Variants in GIGYF2 observed in about 807,000 individuals in gnomAD.
GIGYF2 encodes the protein GRB10 interacting GYF protein 2.
A neutral mutation model predicts 208.1 loss-of-function variants in GIGYF2; 25 were observed. That is an observed-to-expected ratio of 0.12 (90% CI 0.09 to 0.17). The LOEUF (loss-of-function observed/expected upper bound fraction) is 0.17. GIGYF2 is among the 10% of genes least tolerant of loss of function. GIGYF2 has a pLI of 1.00. For synonymous variants in GIGYF2, 534 were observed against 543.8 expected (o/e 0.98, Z 0.25); for missense variants, 1,302 against 1,579.4 (o/e 0.82, Z 2.98).
intron 14 of GIGYF2, among the ~76,000 whole-genome samples, chr2:232,802,496 G>GT (rs940325815): frequency 3.3e-5 from 5 of 151,928 alleles, no homozygotes; most frequent in South Asian, 4.1e-4. Context: ...TGACCATGTG[G>GT]TTTTTTTCCC....
At chr2:232,817,574 A>G (rs2106392288) in intron 20 of GIGYF2, among the ~76,000 whole-genome samples, 1 of 152,322 alleles carries the variant, frequency 6.6e-6, no homozygotes, top group East Asian at 1.9e-4. Flanking sequence ...AGTAACCACC[A>G]TTCTTCTTTC....
At chr2:232,734,291 A>G (rs963294945) in intron 2 of GIGYF2, 1 of 151,962 alleles carries the variant, frequency 6.6e-6, no homozygotes, top group Non-Finnish European at 1.5e-5. Flanking sequence ...CAGTGGCAGG[A>G]CCACAACTCA....
At chr2:232,783,480 G>A (rs2106355794) in intron 8 of GIGYF2, among the ~76,000 whole-genome samples, 1 of 152,072 alleles carries the variant, frequency 6.6e-6, no homozygotes, top group African/African-American at 2.4e-5. Context: ...GTGAAAGAGG[G>A]GGTTGGAGGT....
intron 5 of GIGYF2, among the ~76,000 whole-genome samples, chr2:232,755,670 T>C (rs1305392580): frequency 6.6e-6 from 1 of 152,232 alleles, no homozygotes; most frequent in African/African-American, 2.4e-5. Context: ...TAATGTGTTA[T>C]TTAGATGGTT....
At chr2:232,836,261 TA>T (rs1489859386) in intron 22 of GIGYF2, among the ~76,000 whole-genome samples, 612 of 50,276 alleles carry the variant, frequency 0.012, 53 homozygotes, top group African/African-American at 0.041. Flanking sequence ...ACCCCATCTC[TA>T]CATATATATA....
intron 8 of GIGYF2, among the ~76,000 whole-genome samples, chr2:232,774,291 C>T (rs527452021): frequency 1.3e-5 from 2 of 152,070 alleles, no homozygotes; most frequent in African/African-American, 2.4e-5. Context: ...GTTCAAGAGC[C>T]GCTCCAGAGT....
At chr2:232,820,852 C>G (rs1480998291) in intron 21 of GIGYF2, among the ~76,000 whole-genome samples, 2 of 149,694 alleles carry the variant, frequency 1.3e-5, no homozygotes, top group African/African-American at 4.9e-5. Context: ...TTTTGGAGAT[C>G]AAGAGCCTCA....
In GIGYF2 at chr2:232,771,279, T is replaced by G. The variant is rs1267145444; in HGVS notation, c.532+9843T>G. ...CTCTTTGAGCGCCATCCATTTGAAG[T>G]GTGCTGTGGCCATCCTTGGTGACCA... On this transcript the variant is annotated intron_variant, in intron 8 of 28. Transcript: ENST00000373563. 1.2e-6 allele frequency: 2 copies of G among 1,608,808 alleles called. No homozygotes were observed. Among genetic ancestry groups the G allele is most frequent in the Non-Finnish European group, 8.5e-7 (1 of 1,176,980 alleles).
intron 2 of GIGYF2, among the ~76,000 whole-genome samples, chr2:232,726,149 C>T (rs1235274485): frequency 6.6e-6 from 1 of 152,172 alleles, no homozygotes; most frequent in Non-Finnish European, 1.5e-5. Context: ...GCGGGTGGAT[C>T]ACTTGAGGTC....
chr2:232,725,064 T>C (rs947769071), intron 2 of GIGYF2, among the ~76,000 whole-genome samples: 5 of 152,222 alleles, frequency 3.3e-5, no homozygotes, highest in Non-Finnish European at 7.3e-5. Context: ...TAACTTGTCT[T>C]GAACACTTAA....
chr2:232,832,288 A>G (rs1701443903), intron 21 of GIGYF2, among the ~76,000 whole-genome samples: 1 of 152,170 alleles, frequency 6.6e-6, no homozygotes, highest in Non-Finnish European at 1.5e-5. Flanking sequence ...GCACAATGGA[A>G]TGGTTTTGAG....
At chr2:232,799,534 A>G (rs1010266215) in intron 14 of GIGYF2, among the ~76,000 whole-genome samples, 1 of 145,886 alleles carries the variant, frequency 6.9e-6, no homozygotes, top group Non-Finnish European at 1.5e-5. Flanking sequence ...TGGGTGACAC[A>G]GCAAGACCCT....
intron 14 of GIGYF2, among the ~76,000 whole-genome samples, chr2:232,797,461 A>T (rs1700256391): frequency 6.8e-6 from 1 of 147,294 alleles, no homozygotes; most frequent in South Asian, 2.1e-4. Context: ...CATTGTTTAC[A>T]CTCTGGTAAG....
intron 23 of GIGYF2, among the ~76,000 whole-genome samples, chr2:232,840,681 C>T (rs1701788778): frequency 1.3e-5 from 2 of 151,980 alleles, no homozygotes; most frequent in Non-Finnish European, 2.9e-5. Flanking sequence ...GAAAATGAAG[C>T]GTATGAGAGG....
rs116524673 is a variant in GIGYF2 at position 232,775,255 on chromosome 2, C to A, written c.533-11895C>A. ...GATAAGGGGATATGGCCTTCAGGCT[C>A]TAGCACTGTTGGTTACATAGCTGTG... is the stretch of plus-strand genomic sequence containing the variant. On this transcript the variant is annotated intron_variant, in intron 8 of 28. Transcript: ENST00000373563. Among the ~76,000 whole-genome samples, 1,094 of 152,224 alleles carry A rather than the reference C, an allele frequency of 7.2e-3. 15 individuals carry two copies. The highest frequency in any genetic ancestry group is 0.024 in the African/African-American group (1,005 of 41,534).
chr2:232,720,700 T>C (rs1696904043), intron 2 of GIGYF2, among the ~76,000 whole-genome samples: 2 of 152,102 alleles, frequency 1.3e-5, no homozygotes, highest in Admixed American at 1.3e-4. Flanking sequence ...GTTCAAGCAG[T>C]TCTCCTGCCT....
chr2:232,833,591 G>A (rs780953023), intron 22 of GIGYF2, among the ~76,000 whole-genome samples: 3 of 152,214 alleles, frequency 2.0e-5, no homozygotes, highest in Non-Finnish European at 4.4e-5. Flanking sequence ...GACATGAGCA[G>A]CAATGCAGGC....
At chr2:232,721,430 C>G (rs1696938332) in intron 2 of GIGYF2, among the ~76,000 whole-genome samples, 1 of 152,140 alleles carries the variant, frequency 6.6e-6, no homozygotes, top group South Asian at 2.1e-4. Flanking sequence ...GCCCATCTGC[C>G]CTGGTAATCT....
chr2:232,841,837 T>C (rs1701826378), intron 23 of GIGYF2, among the ~76,000 whole-genome samples: 2 of 152,104 alleles, frequency 1.3e-5, no homozygotes, highest in South Asian at 4.1e-4. Context: ...TTTTCTTGAG[T>C]TCCTGTTATT....
Sources: gnomAD v4.1 joint callset for allele counts (sites outside exome capture counted in the v4.1 genomes callset) on GRCh38, gnomAD v4.1.1 for gene constraint, MANE v1.5 for transcripts, NCBI Gene and HGNC (gene_info 2026-07-23, HGNC 2026-07-21) for gene names.